SPINK8: variants seen among roughly 807,000 people sequenced by gnomAD.
SPINK8 encodes the protein serine protease inhibitor Kazal-type 8.
Under a neutral mutation model 14.4 loss-of-function variants are expected in SPINK8, and 12 were observed. The observed-to-expected ratio is 0.83, with a 90% CI of 0.53 to 1.35. The LOEUF is 1.35. SPINK8 is among the 40% of genes most tolerant of loss of function. The probability of loss-of-function intolerance (pLI) is 0.00; values close to 1 mark genes in which losing one functional copy is unlikely to be tolerated. For synonymous variants in SPINK8, 32 were observed against 37.6 expected (o/e 0.85, Z 0.55); for missense variants, 103 against 117.0 (o/e 0.88, Z 0.55).
intron 4 of SPINK8, among the ~76,000 whole-genome samples, chr3:48,324,921 C>T (rs1287256036): frequency 6.6e-6 from 1 of 152,152 alleles, no homozygotes; most frequent in African/African-American, 2.4e-5. Context: ...GTTGTATTAT[C>T]AATTTCTCCC....
chr3:48,321,609 G>T (rs2036075103), intron 4 of SPINK8, among the ~76,000 whole-genome samples: 1 of 151,356 alleles, frequency 6.6e-6, no homozygotes, highest in South Asian at 2.1e-4. Context: ...TTTAAAAAAT[G>T]CTTTGACCTG....
chr3:48,309,667 T>A (rs2035897833), intron 7 of SPINK8, among the ~76,000 whole-genome samples: 1 of 152,222 alleles, frequency 6.6e-6, no homozygotes, highest in South Asian at 2.1e-4. Context: ...GTCTGAGACC[T>A]GTTTTAATAT....
chr3:48,331,327 G>T (rs867026651), intron 2 of SPINK8, among the ~76,000 whole-genome samples: 1 of 152,158 alleles, frequency 6.6e-6, no homozygotes, highest in African/African-American at 2.4e-5. Context: ...TATACTAGGG[G>T]GTCCTTCTAT....
Position 48,320,878 on chromosome 3 carries a change from C to T in SPINK8, c.117+147G>A, listed in dbSNP as rs2036064323. 8.7e-5 allele frequency: 63 copies of T among 722,270 alleles called. 1 individual carries two copies. The South Asian group carries it at 1.2e-3, about 14-fold the overall frequency. 44.7% of individuals were successfully genotyped at this position (722,270 alleles called of 1,614,324 possible). ...TCAGGAACATATAAAATGTGCTACA[C>T]ATACTTGGTGACTCAGCTTTTATTG... On this transcript the variant is annotated intron_variant, in intron 5 of 7. Coordinates refer to ENST00000434006, the MANE Select transcript of SPINK8 (RefSeq NM_001080525.3).
chr3:48,323,240 G>A (rs933731412), intron 4 of SPINK8, among the ~76,000 whole-genome samples: 7 of 152,004 alleles, frequency 4.6e-5, no homozygotes, highest in Non-Finnish European at 7.4e-5. Context: ...CACCTCCCAG[G>A]TTCAAGCAAT....
chr3:48,307,286 A>G (rs1347658498), intron 7 of SPINK8, among the ~76,000 whole-genome samples: 2 of 152,140 alleles, frequency 1.3e-5, no homozygotes, highest in East Asian at 1.9e-4. Flanking sequence ...GACATGAAGC[A>G]GGGTCCTGGC....
chr3:48,313,050 T>C (rs1273576180), intron 6 of SPINK8, among the ~76,000 whole-genome samples: 4 of 150,712 alleles, frequency 2.7e-5, no homozygotes, highest in Non-Finnish European at 4.4e-5. Context: ...GAAGAAAAAT[T>C]AGAGGTAAAT....
At chr3:48,308,279 T>C (rs1469699181) in intron 7 of SPINK8, among the ~76,000 whole-genome samples, 2 of 152,108 alleles carry the variant, frequency 1.3e-5, no homozygotes, top group Admixed American at 1.3e-4. Flanking sequence ...TGGCCCAGTC[T>C]GCATTCTTAA....
intron 5 of SPINK8, 90 bp from the exon 6 acceptor site, chr3:48,319,708 C>A (rs2036044831): frequency 3.2e-6 from 5 of 1,545,368 alleles, no homozygotes; most frequent in Non-Finnish European, 4.4e-6. Context: ...GGATGGAATA[C>A]GAGCACCAGA....
chr3:48,330,857 G>A lies in SPINK8; in HGVS notation c.-136+1509C>T, dbSNP rs968199764. The stretch of plus-strand genomic sequence containing the variant: ...CAGCTAGTCCTGTCTCTCAGTCCCC[G>A]CTCTCAACAGGAAAACCCAAGTGCT... On this transcript the variant is annotated intron_variant, in intron 2 of 7. Transcript: ENST00000434006. Among the ~76,000 whole-genome samples, 22 of 111,248 alleles carry A rather than the reference G, an allele frequency of 2.0e-4. 1 individual carries two copies. The highest frequency in any genetic ancestry group is 3.6e-4 in the Admixed American group (4 of 11,190). The allele number at this position is 111,248 out of a possible 152,430, so 73.0% of individuals were successfully genotyped here.
intron 6 of SPINK8, among the ~76,000 whole-genome samples, chr3:48,312,582 G>A (rs1204843059): frequency 1.3e-5 from 2 of 152,168 alleles, no homozygotes; most frequent in Non-Finnish European, 2.9e-5. Flanking sequence ...GGTGGAGGTT[G>A]CAGTGAACCA....
chr3:48,324,537 C>T (rs1341960872), intron 4 of SPINK8, among the ~76,000 whole-genome samples: 5 of 152,132 alleles, frequency 3.3e-5, no homozygotes, highest in South Asian at 2.1e-4. Context: ...GTGAGAGCAA[C>T]GTTGCTCCCA....
intron 4 of SPINK8, among the ~76,000 whole-genome samples, chr3:48,325,424 G>A (rs2036125619): frequency 6.9e-6 from 1 of 144,610 alleles, no homozygotes; most frequent in Non-Finnish European, 1.5e-5. Flanking sequence ...ATGTAACGTT[G>A]TAATTTTTTT....
intron 2 of SPINK8, among the ~76,000 whole-genome samples, chr3:48,331,486 A>G (rs183170504): frequency 6.6e-6 from 1 of 152,276 alleles, no homozygotes; most frequent in East Asian, 1.9e-4. Context: ...AGCCAATGAT[A>G]ATCTTCTAAT....
intron 2 of SPINK8, among the ~76,000 whole-genome samples, chr3:48,329,638 T>C (rs963432755): frequency 3.3e-5 from 5 of 152,262 alleles, no homozygotes; most frequent in African/African-American, 1.2e-4. Flanking sequence ...TTAGATTATT[T>C]CTATATTGAC....
chr3:48,330,688 G>C (rs1298836849), intron 2 of SPINK8, among the ~76,000 whole-genome samples: 1 of 151,770 alleles, frequency 6.6e-6, no homozygotes, highest in African/African-American at 2.4e-5. Context: ...TTTACCTCCT[G>C]CTTTTAGCCT....
chr3:48,318,434 C>CCCAG (rs71625865), intron 6 of SPINK8, among the ~76,000 whole-genome samples: 1 of 152,250 alleles, frequency 6.6e-6, no homozygotes, highest in African/African-American at 2.4e-5. Flanking sequence ...AGCCACTGCG[C>CCCAG]CCAGCTAGAA....
Position 48,306,990 on chromosome 3 carries a change from G to T in SPINK8, c.*2C>A, listed in dbSNP as rs758106633. 6 of 1,613,074 alleles carry T rather than the reference G, an allele frequency of 3.7e-6. No individual in the cohort carries two copies. The highest frequency in any genetic ancestry group is 5.1e-6 in the Non-Finnish European group (6 of 1,179,540). ...TAGGTTTTATAATTCTTTGTCGTAC[G>T]TTCAAGAGTTTTCCTGCAAGAGAAG... On this transcript the variant is annotated 3_prime_UTR_variant, in exon 8 of 8. Coordinates refer to ENST00000434006, the MANE Select transcript of SPINK8 (RefSeq NM_001080525.3).
At chr3:48,309,058 C>G (rs894211428) in intron 7 of SPINK8, among the ~76,000 whole-genome samples, 2 of 152,194 alleles carry the variant, frequency 1.3e-5, no homozygotes, top group African/African-American at 4.8e-5. Flanking sequence ...AATTGACCGT[C>G]CCTAAGTGAG....
Sources: gnomAD v4.1 joint callset for allele counts (sites outside exome capture counted in the v4.1 genomes callset) on GRCh38, gnomAD v4.1.1 for gene constraint, MANE v1.5 for transcripts, NCBI Gene and HGNC (gene_info 2026-07-23, HGNC 2026-07-21) for gene names.